CCSER1: variants seen among roughly 807,000 people sequenced by gnomAD.
CCSER1 encodes coiled-coil serine rich protein 1, also known as serine-rich coiled-coil domain-containing protein 1.
Under a neutral mutation model 82.0 loss-of-function variants are expected in CCSER1, and 41 were observed. That is an observed-to-expected ratio of 0.50 (90% confidence interval 0.39 to 0.65). The LOEUF (loss-of-function observed/expected upper bound fraction) is 0.65. Ranked by LOEUF, CCSER1 falls within the 30% of genes least tolerant of loss-of-function variation. The pLI is 0.00. For synonymous variants in CCSER1, 414 were observed against 383.9 expected (o/e 1.08, Z -0.92); for missense variants, 1,119 against 1,064.2 (o/e 1.05, Z -0.72).
chr4:90,430,496 A>G (rs961595384), intron 4 of CCSER1, among the ~76,000 whole-genome samples: 1 of 151,910 alleles, frequency 6.6e-6, no homozygotes, highest in Non-Finnish European at 1.5e-5. Context: ...AAGCATATGT[A>G]AAATAAAATA....
intron 10 of CCSER1, among the ~76,000 whole-genome samples, chr4:91,310,875 ATTG>A (rs1382159387): frequency 3.3e-5 from 5 of 151,764 alleles, no homozygotes; most frequent in African/African-American, 7.3e-5. Flanking sequence ...CTCATCAGGT[ATTG>A]TTAGTGTTAG....
chr4:91,520,178 C>T (rs35429344), intron 10 of CCSER1, among the ~76,000 whole-genome samples: 3 of 151,968 alleles, frequency 2.0e-5, no homozygotes, highest in African/African-American at 7.2e-5. Context: ...TTTTAATATA[C>T]ATGGATATAT....
chr4:91,209,189 T>C (rs547757547), intron 10 of CCSER1, among the ~76,000 whole-genome samples: 3 of 151,982 alleles, frequency 2.0e-5, no homozygotes, highest in African/African-American at 4.8e-5. Flanking sequence ...TTATTTCTCT[T>C]TGGGTGCCTT....
intron 10 of CCSER1, among the ~76,000 whole-genome samples, chr4:91,336,983 C>T (rs543908343): frequency 6.6e-6 from 1 of 152,136 alleles, no homozygotes; most frequent in East Asian, 1.9e-4. Context: ...AATACAAATG[C>T]ATATAGAATA....
chr4:90,133,351 A>G (rs1723118626), intron 1 of CCSER1, among the ~76,000 whole-genome samples: 1 of 152,204 alleles, frequency 6.6e-6, no homozygotes, highest in Admixed American at 6.5e-5. Context: ...TAATGACTGT[A>G]GGCTGGACCT....
At chr4:90,823,092 TA>T (rs1759973709) in intron 8 of CCSER1, among the ~76,000 whole-genome samples, 1 of 152,190 alleles carries the variant, frequency 6.6e-6, no homozygotes, top group African/African-American at 2.4e-5. Context: ...ACTGTAGGAA[TA>T]ATGTATGACT....
intron 10 of CCSER1, among the ~76,000 whole-genome samples, chr4:91,091,060 A>AT (rs925646278): frequency 2.0e-5 from 3 of 151,894 alleles, no homozygotes; most frequent in African/African-American, 4.8e-5. Flanking sequence ...CAGTACCCAC[A>AT]TTTTTTTCCA....
intron 4 of CCSER1, among the ~76,000 whole-genome samples, chr4:90,454,775 T>C (rs1761965632): frequency 6.6e-6 from 1 of 152,220 alleles, no homozygotes; most frequent in Non-Finnish European, 1.5e-5. Context: ...AGAGTTAAAA[T>C]ACTTGGGTTA....
intron 10 of CCSER1, among the ~76,000 whole-genome samples, chr4:91,297,385 ATGTGTGTGTGTGTGTGTGTGTG>A (rs57164334): frequency 3.4e-5 from 4 of 117,988 alleles, no homozygotes; most frequent in Admixed American, 8.1e-5. Flanking sequence ...GTGTGTGTGT[ATGTGTGTGTGTGTGTGTGTGTG>A]TGTGTGTGTG....
intron 1 of CCSER1, among the ~76,000 whole-genome samples, chr4:90,158,341 G>T (rs1578241867): frequency 1.3e-5 from 2 of 152,332 alleles, no homozygotes; most frequent in South Asian, 4.1e-4. Flanking sequence ...GGACCCACTT[G>T]AGGAGGCCGT....
chr4:90,994,287 A>G (rs1007730731), intron 9 of CCSER1, among the ~76,000 whole-genome samples: 1 of 152,126 alleles, frequency 6.6e-6, no homozygotes, highest in African/African-American at 2.4e-5. Context: ...ATCTAGCCTA[A>G]CTACAAATGT....
At chr4:91,149,700 T>C (rs1321506541) in intron 10 of CCSER1, among the ~76,000 whole-genome samples, 1 of 152,218 alleles carries the variant, frequency 6.6e-6, no homozygotes, top group Non-Finnish European at 1.5e-5. Context: ...TGCATATGAC[T>C]AGCCAGTTTT....
At position 91,110,065 on chromosome 4, in the gene CCSER1, T is replaced by G. The variant is rs75299417; in HGVS notation, c.2217+24071T>G. On this transcript the variant is annotated intron_variant, in intron 10 of 10. Coordinates refer to ENST00000509176, the MANE Select transcript of CCSER1 (RefSeq NM_001145065.2). ...TAAAACTAAGCAAATTAAAGAAATT[T>G]AGCAATTTTAACTCATCTACCTGTT... Among the ~76,000 whole-genome samples the G allele has an allele frequency of 4.7e-3, 712 of 152,190 alleles. 16 individuals are homozygous for G. The East Asian group carries it at 0.055, about 12-fold the overall frequency.
Position 90,427,897 on chromosome 4 carries a change from A to G in CCSER1, c.1603+27768A>G, listed in dbSNP as rs145901933. On this transcript the variant is annotated intron_variant, in intron 4 of 10. Transcript: ENST00000509176. Reference sequence around the variant, plus strand: ...CCTATTTTGTAATCTAGCTTTTATTATAGCCATCAGGAACAGAAACTCATT... The same window carrying G: ...CCTATTTTGTAATCTAGCTTTTATTGTAGCCATCAGGAACAGAAACTCATT... Among the ~76,000 whole-genome samples the G allele has an allele frequency of 3.0e-3, 463 of 151,998 alleles. 2 individuals carry two copies. Among genetic ancestry groups the G allele is most frequent in the African/African-American group, 0.01 (433 of 41,580 alleles).
chr4:91,436,869 A>G (rs1035743555), intron 10 of CCSER1, among the ~76,000 whole-genome samples: 5 of 152,228 alleles, frequency 3.3e-5, no homozygotes, highest in East Asian at 1.9e-4. Flanking sequence ...AAGAATTTCC[A>G]AAAGTATTTA....
intron 10 of CCSER1, among the ~76,000 whole-genome samples, chr4:91,552,961 A>AG (rs2110229397): frequency 6.6e-6 from 1 of 151,646 alleles, no homozygotes; most frequent in African/African-American, 2.4e-5. Context: ...CTGATCTTAG[A>AG]GGACAAGATT....
At chr4:90,905,274 C>T (rs561237540) in intron 8 of CCSER1, among the ~76,000 whole-genome samples, 1 of 151,892 alleles carries the variant, frequency 6.6e-6, no homozygotes, top group East Asian at 1.9e-4. Context: ...CTATGATTTC[C>T]CACTGATCTA....
intron 4 of CCSER1, among the ~76,000 whole-genome samples, chr4:90,403,275 G>T (rs181094425): frequency 3.0e-4 from 46 of 152,096 alleles, no homozygotes; most frequent in African/African-American, 9.2e-4. Context: ...TGAGGCGGGT[G>T]GATCACGAGG....
chr4:90,647,173 A>T (rs544822202), intron 6 of CCSER1, among the ~76,000 whole-genome samples: 2 of 152,310 alleles, frequency 1.3e-5, no homozygotes, highest in African/African-American at 4.8e-5. Context: ...TTCTGTAACC[A>T]TTATGGTAGT....
Sources: gnomAD v4.1 joint callset for allele counts (sites outside exome capture counted in the v4.1 genomes callset) on GRCh38, gnomAD v4.1.1 for gene constraint, MANE v1.5 for transcripts, NCBI Gene and HGNC (gene_info 2026-07-23, HGNC 2026-07-21) for gene names.